The following MAP2K4 variants were observed in gnomAD, a reference collection of about 807,000 sequenced individuals.
MAP2K4 encodes the protein mitogen-activated protein kinase kinase 4, also known as dual specificity mitogen-activated protein kinase kinase 4.
Under a neutral mutation model 48.5 loss-of-function variants are expected in MAP2K4, and 4 were observed. That is an observed-to-expected ratio of 0.08 (90% CI 0.04 to 0.19). MAP2K4 has a LOEUF of 0.19. MAP2K4 is among the 10% of genes least tolerant of loss of function. The pLI, the probability that MAP2K4 is intolerant of heterozygous loss-of-function variation, is 1.00. For missense variants in MAP2K4, 258 were observed against 493.3 expected (o/e 0.52, Z 4.52); for synonymous variants, 166 against 173.1 (o/e 0.96, Z 0.32).
At chr17:12,122,010 C>T (rs1312047140) in intron 7 of MAP2K4, among the ~76,000 whole-genome samples, 4 of 152,010 alleles carry the variant, frequency 2.6e-5, no homozygotes, top group Non-Finnish European at 4.4e-5. Flanking sequence ...CATGGTTTTT[C>T]GATACTGTGA....
At chr17:12,042,734 G>C (rs541741835) in intron 1 of MAP2K4, among the ~76,000 whole-genome samples, 54 of 152,160 alleles carry the variant, frequency 3.5e-4, no homozygotes, top group Non-Finnish European at 6.9e-4. Context: ...TGATGTGGAC[G>C]TACACACTCT....
intron 3 of MAP2K4, among the ~76,000 whole-genome samples, chr17:12,086,458 G>A (rs1357015415): frequency 6.6e-6 from 1 of 152,128 alleles, no homozygotes; most frequent in African/African-American, 2.4e-5. Flanking sequence ...ATGTGTGCTT[G>A]TTTTGCTGTC....
intron 3 of MAP2K4, among the ~76,000 whole-genome samples, chr17:12,094,076 T>C (rs1257157944): frequency 6.6e-6 from 1 of 152,198 alleles, no homozygotes; most frequent in African/African-American, 2.4e-5. Context: ...AGGGAAACTT[T>C]CCTTAACGTT....
chr17:12,138,975 T>C (rs752441571), intron 9 of MAP2K4, among the ~76,000 whole-genome samples: 9 of 152,182 alleles, frequency 5.9e-5, no homozygotes, highest in Non-Finnish European at 1.2e-4. Flanking sequence ...GGTTGTCTGC[T>C]GGCGGCTTGC....
At chr17:12,111,481 T>G (rs1972301788) in intron 6 of MAP2K4, among the ~76,000 whole-genome samples, 1 of 143,912 alleles carries the variant, frequency 6.9e-6, no homozygotes. Flanking sequence ...CTTGTCTTGA[T>G]TTTTTTTTTT....
intron 2 of MAP2K4, among the ~76,000 whole-genome samples, chr17:12,064,404 G>A (rs899271475): frequency 6.6e-6 from 1 of 152,092 alleles, no homozygotes; most frequent in Non-Finnish European, 1.5e-5. Context: ...TTTGAAAAAT[G>A]GTTTAAAGAC....
At chr17:12,046,779 A>G (rs1485092930) in intron 1 of MAP2K4, among the ~76,000 whole-genome samples, 2 of 152,170 alleles carry the variant, frequency 1.3e-5, no homozygotes, top group Non-Finnish European at 2.9e-5. Flanking sequence ...TGGGAGCTGC[A>G]TTCCATGAAG....
intron 3 of MAP2K4, among the ~76,000 whole-genome samples, chr17:12,091,492 TA>T (rs1427746974): frequency 5.9e-5 from 9 of 152,250 alleles, no homozygotes; most frequent in African/African-American, 2.2e-4. Context: ...TCCCAACAAC[TA>T]AATTTGTGGC....
intron 1 of MAP2K4, among the ~76,000 whole-genome samples, chr17:12,030,098 C>CT (rs1468840166): frequency 1.3e-5 from 2 of 152,068 alleles, no homozygotes; most frequent in East Asian, 3.9e-4. Context: ...CATCCTTACC[C>CT]TTTGAGTATG....
chr17:12,086,074 C>A (rs1029627040), intron 3 of MAP2K4, among the ~76,000 whole-genome samples: 5 of 152,130 alleles, frequency 3.3e-5, no homozygotes, highest in East Asian at 1.9e-4. Context: ...GGAAAAGTTC[C>A]TTTTTGATGG....
chr17:12,095,205 A>G (rs1414986038), intron 3 of MAP2K4, among the ~76,000 whole-genome samples: 1 of 152,202 alleles, frequency 6.6e-6, no homozygotes, highest in East Asian at 1.9e-4. Flanking sequence ...AAAAGTATGT[A>G]TACAGCTACC....
chr17:12,112,823 C>T (rs1323495867), intron 6 of MAP2K4, among the ~76,000 whole-genome samples: 1 of 152,098 alleles, frequency 6.6e-6, no homozygotes, highest in Non-Finnish European at 1.5e-5. Flanking sequence ...CAATTTAATG[C>T]CTAAATTTCT....
At chr17:12,073,788 T>C (rs965187792) in intron 2 of MAP2K4, among the ~76,000 whole-genome samples, 73 of 150,068 alleles carry the variant, frequency 4.9e-4, no homozygotes, top group African/African-American at 1.8e-3. Context: ...TTTTTTTTTT[T>C]CTGAGACGGA....
chr17:12,023,535 T>C (rs887674047), intron 1 of MAP2K4, among the ~76,000 whole-genome samples: 3 of 152,212 alleles, frequency 2.0e-5, no homozygotes, highest in Admixed American at 2.0e-4. Flanking sequence ...GAGTTGTTAA[T>C]GACCATGCTC....
chr17:12,032,409 C>A, intron 1 of MAP2K4: 1 of 422,692 alleles, frequency 2.4e-6, no homozygotes, highest in South Asian at 1.0e-4. Context: ...ATTTTACATT[C>A]AAAGAGCTAC....
rs748252260 is a variant in MAP2K4 at position 12,081,912 on chromosome 17, G to A, written c.393+382G>A. 1 of 537,750 alleles carries A rather than the reference G, an allele frequency of 1.9e-6. No individual in the cohort carries two copies. Among genetic ancestry groups the A allele is most frequent in the Non-Finnish European group, 3.8e-6 (1 of 262,600 alleles). 33.3% of individuals were successfully genotyped at this position (537,750 alleles called of 1,614,324 possible). On this transcript the variant is annotated intron_variant, in intron 3 of 10. Coordinates refer to ENST00000353533, the MANE Select transcript of MAP2K4 (RefSeq NM_003010.4). The surrounding 1 kb of genome is among the most constrained non-coding windows in gnomAD (Gnocchi z 4.2). ...CAGCACACTGGGTTGGGCAAGGTGC[G>A]GGGCTAGGGCTAACAGCAGTCTTAC...
At chr17:12,047,183 T>C (rs4791487) in intron 1 of MAP2K4, among the ~76,000 whole-genome samples, 143,369 of 152,046 alleles carry the variant, frequency 0.94, 68,166 homozygotes, top group East Asian at 1. Flanking sequence ...TCCTTGACAG[T>C]AGAGCCTCTG....
chr17:12,048,037 T>TA (rs1327102636), intron 1 of MAP2K4, among the ~76,000 whole-genome samples: 1 of 152,200 alleles, frequency 6.6e-6, no homozygotes, highest in Non-Finnish European at 1.5e-5. Context: ...ACTACATTTC[T>TA]TTTTCTTTTT....
chr17:12,104,197 G>GATCC (rs1474933123), intron 4 of MAP2K4, among the ~76,000 whole-genome samples: 2 of 152,282 alleles, frequency 1.3e-5, no homozygotes, highest in African/African-American at 4.8e-5. Flanking sequence ...GTTACCTCAT[G>GATCC]ATCCACATTG....
Sources: gnomAD v4.1 joint callset for allele counts (sites outside exome capture counted in the v4.1 genomes callset) on GRCh38, gnomAD v4.1.1 for gene constraint, Gnocchi (gnomAD v3.1) non-coding constraint, MANE v1.5 for transcripts, NCBI Gene and HGNC (gene_info 2026-07-23, HGNC 2026-07-21) for gene names.